ADGB: variants seen among roughly 807,000 people sequenced by gnomAD.
The protein encoded by ADGB is calpain-7-like protein.
In ADGB, 172 loss-of-function variants were observed where a neutral mutation model predicts 210.5. That is an observed-to-expected ratio of 0.82 (90% confidence interval 0.72 to 0.93). The LOEUF (loss-of-function observed/expected upper bound fraction) is 0.93, where lower values mean the gene tolerates loss of function less well. Ranked by LOEUF, ADGB falls within the 40% of genes least tolerant of loss-of-function variation. ADGB has a pLI of 0.00. For missense variants in ADGB, 2,025 were observed against 1,964.8 expected (o/e 1.03, Z -0.58); for synonymous variants, 658 against 662.7 (o/e 0.99, Z 0.11).
At chr6:146,685,914 G>C (rs1050011238) in intron 10 of ADGB, 86 bp downstream of exon 10, 3 of 733,338 alleles carry the variant, frequency 4.1e-6, no homozygotes, top group Non-Finnish European at 6.0e-6. Flanking sequence ...GTGGTAGAAG[G>C]CACATGAAAA....
intron 16 of ADGB, among the ~76,000 whole-genome samples, 199 bp downstream of exon 16, chr6:146,717,798 C>T (rs923492964): frequency 1.3e-5 from 2 of 152,108 alleles, no homozygotes; most frequent in African/African-American, 2.4e-5. Flanking sequence ...AAATGTGATC[C>T]ATCTGACTAT....
chr6:146,651,761 A>G (rs1018224767), intron 3 of ADGB, among the ~76,000 whole-genome samples: 1 of 152,014 alleles, frequency 6.6e-6, no homozygotes, highest in Non-Finnish European at 1.5e-5. Context: ...TTAAGCAAAC[A>G]TGTAATTAGA....
intron 11 of ADGB, among the ~76,000 whole-genome samples, chr6:146,692,611 GAA>G (rs953146585): frequency 1.3e-5 from 2 of 152,122 alleles, no homozygotes; most frequent in African/African-American, 4.8e-5. Flanking sequence ...AATCTGGAAA[GAA>G]AAGAGTAGAC....
In ADGB at chr6:146,724,206, C is replaced by T; in HGVS notation, c.2116C>T (p.Pro706Ser). The T allele has an allele frequency of 1.3e-6, 2 of 1,550,002 alleles. No individual in the cohort carries two copies. The highest frequency in any genetic ancestry group is 1.7e-6 in the Non-Finnish European group (2 of 1,146,432). Residue 706 changes from proline to serine, a missense_variant, in exon 18 of 36, where the codon CCC becomes TCC. By Grantham distance (74) the Pro-to-Ser change is moderately conservative. Coordinates refer to ENST00000397944, the MANE Select transcript of ADGB (RefSeq NM_024694.4). ...EYGALTKDSP[P>S]IEPGLLTAET... ...TAAAGCCTTAACAAAAGACAGTCCT[C>T]CCATAGAGCCTGGACTTCTCACAGC...
intron 27 of ADGB, among the ~76,000 whole-genome samples, chr6:146,758,974 A>C (rs1328052510): frequency 6.6e-6 from 1 of 151,966 alleles, no homozygotes; most frequent in Non-Finnish European, 1.5e-5. Flanking sequence ...TGATGCTATT[A>C]ATTTGTGTCT....
intron 1 of ADGB, among the ~76,000 whole-genome samples, chr6:146,633,781 C>T (rs980000028): frequency 3.9e-5 from 6 of 152,086 alleles, no homozygotes; most frequent in Non-Finnish European, 7.4e-5. Context: ...TGTTTGAATA[C>T]AATCACACAC....
chr6:146,778,552 T>C (rs551702515), intron 29 of ADGB, among the ~76,000 whole-genome samples: 2 of 152,354 alleles, frequency 1.3e-5, no homozygotes, highest in African/African-American at 4.8e-5. Context: ...TCTCTAATTT[T>C]AAGCCTTATC....
chr6:146,641,468 C>T (rs1356359186), intron 2 of ADGB, among the ~76,000 whole-genome samples: 1 of 150,824 alleles, frequency 6.6e-6, no homozygotes, highest in African/African-American at 2.4e-5. Flanking sequence ...AAAAAAAAAG[C>T]TGGAGGAATC....
chr6:146,662,712 T>G (rs150043850), intron 5 of ADGB, among the ~76,000 whole-genome samples: 2 of 152,016 alleles, frequency 1.3e-5, no homozygotes, highest in African/African-American at 4.8e-5. Flanking sequence ...ATTTGTAGTG[T>G]TATGTTTTAC....
At chr6:146,665,010 G>A (rs1775919864) in intron 6 of ADGB, among the ~76,000 whole-genome samples, 1 of 152,040 alleles carries the variant, frequency 6.6e-6, no homozygotes, top group Admixed American at 6.6e-5. Context: ...AATCTTTGAT[G>A]ATCGTGTTGG....
At chr6:146,718,056 G>T (rs1432837524) in intron 16 of ADGB, among the ~76,000 whole-genome samples, 1 of 151,984 alleles carries the variant, frequency 6.6e-6, no homozygotes, top group African/African-American at 2.4e-5. Context: ...TTCAGCTAAT[G>T]CCTAGAAATC....
chr6:146,788,417 A>G lies in ADGB; in HGVS notation c.4344A>G (p.Glu1448=), dbSNP rs1777910844. ...EVETAARGVK[E]PNSKNSAGSE... ...AAACAGCTGCACGTGGCGTAAAAGAACCAAACTCAAAGAATTCTGCAGGTT... is the reference window on the plus strand; with the variant it reads ...AAACAGCTGCACGTGGCGTAAAAGAGCCAAACTCAAAGAATTCTGCAGGTT... The change falls in exon 33 of 36, where the codon GAA becomes GAG. Residue 1448 remains glutamate (E), a synonymous_variant. Coordinates refer to ENST00000397944, the MANE Select transcript of ADGB (RefSeq NM_024694.4). The G allele has an allele frequency of 1.3e-6, 2 of 1,551,476 alleles. No homozygotes were observed. The highest frequency in any genetic ancestry group is 1.7e-6 in the Non-Finnish European group (2 of 1,146,924).
intron 18 of ADGB, 45 bp from the exon 19 acceptor site, chr6:146,726,038 C>G: frequency 7.7e-7 from 1 of 1,293,446 alleles, no homozygotes; most frequent in South Asian, 1.4e-5. Flanking sequence ...CAAATGCCAC[C>G]ACCCAGGAAG....
chr6:146,782,848 A>G (rs1287881460), intron 30 of ADGB, among the ~76,000 whole-genome samples: 1 of 152,174 alleles, frequency 6.6e-6, no homozygotes, highest in Non-Finnish European at 1.5e-5. Flanking sequence ...GTACAAGCAC[A>G]GGCCTAAAGA....
intron 24 of ADGB, 65 bp from the exon 25 acceptor site, chr6:146,741,053 A>T: frequency 1.5e-6 from 2 of 1,311,726 alleles, no homozygotes; most frequent in Non-Finnish European, 2.0e-6. Flanking sequence ...CTTGGCATTA[A>T]TGCAAATTTC....
At chr6:146,663,867 A>G (rs2114893464) in intron 5 of ADGB, among the ~76,000 whole-genome samples, 1 of 152,222 alleles carries the variant, frequency 6.6e-6, no homozygotes, top group African/African-American at 2.4e-5. Flanking sequence ...GTCCAAGCTT[A>G]TCCATGGTTG....
intron 28 of ADGB, among the ~76,000 whole-genome samples, chr6:146,767,408 T>G (rs889078782): frequency 2.8e-4 from 43 of 152,338 alleles, no homozygotes; most frequent in African/African-American, 1.0e-3. Context: ...TATATTGACT[T>G]ACTTATTACT....
At chr6:146,805,983 C>T (rs1455052261) in intron 35 of ADGB, among the ~76,000 whole-genome samples, 1 of 152,134 alleles carries the variant, frequency 6.6e-6, no homozygotes, top group African/African-American at 2.4e-5. Context: ...ACTGTTGTGT[C>T]CCCAGACCTT....
At chr6:146,813,713 CGATTA>C (rs1424591329) in intron 35 of ADGB, among the ~76,000 whole-genome samples, 3 of 152,012 alleles carry the variant, frequency 2.0e-5, no homozygotes, top group South Asian at 2.1e-4. Flanking sequence ...TGTGGGAAAT[CGATTA>C]GATTAGATTA....
Sources: allele counts gnomAD v4.1 joint callset (sites outside exome capture counted in the v4.1 genomes callset), GRCh38; gene constraint gnomAD v4.1.1; transcripts MANE v1.5; gene names NCBI Gene and HGNC (gene_info 2026-07-23, HGNC 2026-07-21).